The following SLC1A2 variants were observed in gnomAD, a reference collection of about 807,000 sequenced individuals.
SLC1A2 encodes the protein excitatory amino acid transporter 2.
A neutral mutation model predicts 48.8 loss-of-function variants in SLC1A2; 15 were observed. That is an observed-to-expected ratio of 0.31 (90% CI 0.21 to 0.47). The LOEUF is 0.47. Ranked by LOEUF, SLC1A2 falls within the 20% of genes least tolerant of loss-of-function variation. The pLI is 0.99. For synonymous variants in SLC1A2, 279 were observed against 272.6 expected (o/e 1.02, Z -0.23); for missense variants, 502 against 730.5 (o/e 0.69, Z 3.61).
At chr11:35,417,543 A>C (rs999415852) in intron 1 of SLC1A2, among the ~76,000 whole-genome samples, 3 of 152,246 alleles carry the variant, frequency 2.0e-5, no homozygotes, top group Admixed American at 6.5e-5. Flanking sequence ...ATCTTGATCC[A>C]TATGGGCTCC....
Position 35,254,893 on chromosome 11 carries a change from G to C in SLC1A2, c.*6001C>G, listed in dbSNP as rs1829945089. The C allele has an allele frequency of 2.3e-6, 1 of 426,780 alleles. No individual in the cohort carries two copies. Among genetic ancestry groups the C allele is most frequent in the African/African-American group, 2.1e-5 (1 of 48,224 alleles). 26.4% of individuals were successfully genotyped at this position (426,780 alleles called of 1,614,324 possible). On this transcript the variant is annotated 3_prime_UTR_variant, in exon 11 of 11. Coordinates refer to ENST00000278379, the MANE Select transcript of SLC1A2 (RefSeq NM_004171.4). ...GGAAAGTGAAGCAAGGCTGGACATA[G>C]AAAAAAACTGATCAGTAGTTATTCA...
intron 10 of SLC1A2, among the ~76,000 whole-genome samples, chr11:35,262,886 A>G (rs771713344): frequency 6.6e-6 from 1 of 152,240 alleles, no homozygotes; most frequent in Non-Finnish European, 1.5e-5. Flanking sequence ...TTAACCAATG[A>G]GTTTGCAGGT....
At chr11:35,386,874 AC>A (rs1285462567) in intron 1 of SLC1A2, among the ~76,000 whole-genome samples, 1 of 152,142 alleles carries the variant, frequency 6.6e-6, no homozygotes, top group African/African-American at 2.4e-5. Context: ...TTGGTGACTA[AC>A]CTGCAGTGCT....
chr11:35,285,314 T>C (rs1160091561), intron 8 of SLC1A2: 2 of 152,224 alleles, frequency 1.3e-5, no homozygotes, highest in Admixed American at 1.3e-4. Flanking sequence ...AAAATGGGAA[T>C]AATGACTATT....
chr11:35,314,611 G>C (rs1047158320), intron 3 of SLC1A2, among the ~76,000 whole-genome samples: 3 of 151,948 alleles, frequency 2.0e-5, no homozygotes, highest in Non-Finnish European at 2.9e-5. Flanking sequence ...TACTCAGGAG[G>C]CTGAGGCAGG....
chr11:35,310,483 A>AGGTCCAT (rs1230441391), intron 4 of SLC1A2, among the ~76,000 whole-genome samples: 4 of 152,214 alleles, frequency 2.6e-5, no homozygotes, highest in Non-Finnish European at 5.9e-5. Flanking sequence ...CCTTTAATAT[A>AGGTCCAT]GGTCCATGCT....
At chr11:35,384,675 T>C (rs1417313430) in intron 1 of SLC1A2, among the ~76,000 whole-genome samples, 1 of 152,240 alleles carries the variant, frequency 6.6e-6, no homozygotes, top group Non-Finnish European at 1.5e-5. Flanking sequence ...TCCCAATTTC[T>C]GAATGTTCAG....
At chr11:35,325,436 C>T (rs918846494) in intron 1 of SLC1A2, among the ~76,000 whole-genome samples, 2 of 152,214 alleles carry the variant, frequency 1.3e-5, no homozygotes, top group Non-Finnish European at 2.9e-5. Context: ...TTATTTGTCT[C>T]TGTCTCCACC....
Position 35,254,263 on chromosome 11 carries a change from C to T in SLC1A2, c.*6631G>A, listed in dbSNP as rs1040261755. The T allele has an allele frequency of 2.0e-5, 3 of 152,780 alleles. No individual in the cohort carries two copies. The highest frequency in any genetic ancestry group is 4.4e-5 in the Non-Finnish European group (3 of 68,164). The allele number at this position is 152,780 out of a possible 1,614,324, so 9.5% of individuals were successfully genotyped here. ...CAAATCTCTATAGTGACCAGATAAT[C>T]TGATCTGTGTTGTGCAACATGGAGA... On this transcript the variant is annotated 3_prime_UTR_variant, in exon 11 of 11. Transcript: ENST00000278379.
chr11:35,371,102 G>A, intron 1 of SLC1A2: 2 of 949,340 alleles, frequency 2.1e-6, no homozygotes, highest in Non-Finnish European at 1.2e-6. Context: ...AGCACCTGTA[G>A]GCCAGGTGGC....
At chr11:35,312,803 T>A (rs1258580441) in intron 3 of SLC1A2, among the ~76,000 whole-genome samples, 1 of 147,032 alleles carries the variant, frequency 6.8e-6, no homozygotes, top group Non-Finnish European at 1.5e-5. Flanking sequence ...TTATTTTGTA[T>A]TTTTTATTAG....
chr11:35,378,948 G>C (rs911316261), intron 1 of SLC1A2, among the ~76,000 whole-genome samples: 1 of 152,210 alleles, frequency 6.6e-6, no homozygotes, highest in African/African-American at 2.4e-5. Context: ...GTGACACATG[G>C]CCAGGCGCAG....
At chr11:35,361,709 G>T (rs11033094) in intron 1 of SLC1A2, among the ~76,000 whole-genome samples, 2,582 of 152,262 alleles carry the variant, frequency 0.017, 37 homozygotes, top group Non-Finnish European at 0.026. Flanking sequence ...GGGTACGGTG[G>T]CTCACACCTG....
rs1199963071 is a variant in SLC1A2 at position 35,292,357 on chromosome 11, T to C, written c.1021A>G (p.Arg341Gly). 3 of 1,613,942 alleles carry C rather than the reference T, an allele frequency of 1.9e-6. No individual in the cohort carries two copies. The highest frequency in any genetic ancestry group is 2.7e-5 in the African/African-American group (2 of 74,908). Residue 341 changes from arginine to glycine, a missense_variant, in exon 7 of 11, where the codon AGG (arginine) becomes GGG (glycine). By Grantham distance (125) the Arg-to-Gly change is moderately radical. Coordinates refer to ENST00000278379, the MANE Select transcript of SLC1A2 (RefSeq NM_004171.4). ...FLPLIYFVVT[R>G]KNPFSFFAGI... ...GCAAAAAAGGAGAAGGGGTTTTTCC[T>C]GGTCACTACAAAGTAAATCAAGGGG...
chr11:35,398,849 T>G (rs1172130273), intron 1 of SLC1A2, among the ~76,000 whole-genome samples: 1 of 152,122 alleles, frequency 6.6e-6, no homozygotes, highest in Non-Finnish European at 1.5e-5. Context: ...GAATAGAAAG[T>G]CGTACCGCTG....
chr11:35,274,733 T>C (rs1245315724), intron 9 of SLC1A2, among the ~76,000 whole-genome samples: 4 of 152,238 alleles, frequency 2.6e-5, no homozygotes, highest in Non-Finnish European at 5.9e-5. Context: ...TCTGAACCTG[T>C]TTTCTCAACT....
intron 1 of SLC1A2, among the ~76,000 whole-genome samples, chr11:35,336,324 TTAAAA>T (rs1352410508): frequency 2.6e-5 from 4 of 151,816 alleles, no homozygotes; most frequent in African/African-American, 7.3e-5. Flanking sequence ...ACAACTAAAA[TTAAAA>T]TTAAAATTAA....
At chr11:35,397,675 G>T (rs1427394162) in intron 1 of SLC1A2, among the ~76,000 whole-genome samples, 3 of 152,150 alleles carry the variant, frequency 2.0e-5, no homozygotes, top group Non-Finnish European at 4.4e-5. Context: ...AGGTGATTAG[G>T]TCAGGCAGGT....
At chr11:35,376,308 G>A (rs1381794283) in intron 1 of SLC1A2, among the ~76,000 whole-genome samples, 1 of 152,132 alleles carries the variant, frequency 6.6e-6, no homozygotes, top group African/African-American at 2.4e-5. Flanking sequence ...TGCAGTGCAG[G>A]ACCTGGATTG....
Sources: gnomAD v4.1 joint callset for allele counts (sites outside exome capture counted in the v4.1 genomes callset) on GRCh38, gnomAD v4.1.1 for gene constraint, MANE v1.5 for transcripts, NCBI Gene and HGNC (gene_info 2026-07-23, HGNC 2026-07-21) for gene names.